Variants in METTL15 observed in about 807,000 individuals in gnomAD.
METTL15 encodes 12S rRNA N(4)-cytidine methyltransferase METTL15.
A neutral mutation model predicts 38.3 loss-of-function variants in METTL15; 34 were observed. The ratio of observed to expected loss-of-function variants is 0.89; its 90% CI spans 0.68 to 1.18. The LOEUF is 1.18. Among genes scored for constraint, METTL15 ranks in the 50% most tolerant of loss-of-function variants. The probability of loss-of-function intolerance (pLI) is 0.00; values close to 1 mark genes in which losing one functional copy is unlikely to be tolerated. For synonymous variants in METTL15, 162 were observed against 170.9 expected, an observed-to-expected ratio of 0.95 and a Z score of 0.41; for missense variants, 438 against 498.4, an observed-to-expected ratio of 0.88 and a Z score of 1.15.
intron 5 of METTL15, among the ~76,000 whole-genome samples, chr11:28,411,739 T>C (rs1850725744): frequency 6.6e-6 from 1 of 151,840 alleles, no homozygotes; most frequent in African/African-American, 2.4e-5. Flanking sequence ...AGTAAATAAA[T>C]AATGGGACTA....
intron 3 of METTL15, among the ~76,000 whole-genome samples, chr11:28,198,377 T>C (rs1851985217): frequency 6.6e-6 from 1 of 152,122 alleles, no homozygotes; most frequent in African/African-American, 2.4e-5. Context: ...TTTAATGTAA[T>C]TGAAGGACAT....
At chr11:28,492,662 G>C (rs991129991) in intron 6 of METTL15, among the ~76,000 whole-genome samples, 10 of 151,982 alleles carry the variant, frequency 6.6e-5, no homozygotes, top group African/African-American at 1.7e-4. Context: ...TGTAATTTTT[G>C]GAAATCAATT....
At chr11:28,316,845 C>T (rs1170821645) in intron 6 of METTL15, among the ~76,000 whole-genome samples, 1 of 152,146 alleles carries the variant, frequency 6.6e-6, no homozygotes, top group Non-Finnish European at 1.5e-5. Flanking sequence ...GCATGTAAGA[C>T]GTGACTTACT....
At chr11:28,222,518 C>A (rs570545344) in intron 4 of METTL15, among the ~76,000 whole-genome samples, 1 of 152,176 alleles carries the variant, frequency 6.6e-6, no homozygotes, top group East Asian at 1.9e-4. Flanking sequence ...GGCGATGCCT[C>A]GCCCTGCTTT....
rs1227850709 is a variant in METTL15, at chr11:28,331,645, C to A, written c.*804C>A. Reference sequence around the variant, plus strand: ...AAGTCTATTTGAAATAGAAAACTGTCTATTTAATATAGTAAAATCAATGCT... The same window carrying A: ...AAGTCTATTTGAAATAGAAAACTGTATATTTAATATAGTAAAATCAATGCT... On this transcript the variant is annotated 3_prime_UTR_variant, in exon 7 of 7. Transcript: ENST00000407364. 1 of 151,416 alleles carries A rather than the reference C, an allele frequency of 6.6e-6. No individual in the cohort carries two copies. The highest frequency in any genetic ancestry group is 1.5e-5 in the Non-Finnish European group (1 of 67,636). The allele number at this position is 151,416 out of a possible 1,614,324, so 9.4% of individuals were successfully genotyped here. A position where few individuals can be genotyped will look rare whatever the true frequency, so the allele number is the denominator to read the frequency against.
rs752587098 is a variant in METTL15 at position 28,245,949 on chromosome 11, A to G, written c.407+34751A>G. Reference sequence around the variant, plus strand: ...CTAGACCACTCCCCTTACACATGGGAATTACAATTTGACATGAGATTTGGG... The same window carrying G: ...CTAGACCACTCCCCTTACACATGGGGATTACAATTTGACATGAGATTTGGG... On this transcript the variant is annotated intron_variant, in intron 4 of 6. Transcript: ENST00000407364. Among the ~76,000 whole-genome samples the G allele has an allele frequency of 2.6e-5, 4 of 152,280 alleles. No homozygotes were observed. The South Asian group carries it at 6.2e-4, about 24-fold the overall frequency.
At chr11:28,114,186 C>A (rs1404416734) in intron 3 of METTL15, among the ~76,000 whole-genome samples, 1 of 152,076 alleles carries the variant, frequency 6.6e-6, no homozygotes, top group Non-Finnish European at 1.5e-5. Context: ...TTTTTTGTCT[C>A]TATGAATTTG....
chr11:28,296,859 G>T lies in METTL15; in HGVS notation c.706G>T (p.Ala236Ser). 3 of 1,613,510 alleles carry T rather than the reference G, an allele frequency of 1.9e-6. No individual in the cohort carries two copies. Among genetic ancestry groups the T allele is most frequent in the Non-Finnish European group, 1.7e-6 (2 of 1,179,684 alleles). Reference sequence around the variant, plus strand: ...GGAGGAGAAGCATGCCAAGAAAATCGCTTCAGCAATTGTTCAGGCACGCAG... The same window carrying T: ...GGAGGAGAAGCATGCCAAGAAAATCTCTTCAGCAATTGTTCAGGCACGCAG... Reference protein sequence around the residue: ...YGEEKHAKKIASAIVQARSIY... With the variant: ...YGEEKHAKKISSAIVQARSIY... Residue 236 changes from alanine to serine, a missense_variant, in exon 6 of 7, where the codon GCT (alanine) becomes TCT (serine). Coordinates refer to ENST00000407364, the MANE Select transcript of METTL15 (RefSeq NM_001113528.2).
chr11:28,375,452 A>G (rs530361361), intron 5 of METTL15, among the ~76,000 whole-genome samples: 7 of 151,838 alleles, frequency 4.6e-5, no homozygotes, highest in South Asian at 2.1e-4. Context: ...GTTTATTTGC[A>G]TAGAGGTGTT....
chr11:28,366,365 T>A (rs1590346346), intron 5 of METTL15, among the ~76,000 whole-genome samples: 2 of 152,150 alleles, frequency 1.3e-5, no homozygotes, highest in South Asian at 4.1e-4. Context: ...AATAAAATAC[T>A]GCCCTGTGTA....
chr11:28,154,208 G>T (rs187212877), intron 3 of METTL15, among the ~76,000 whole-genome samples: 1 of 152,202 alleles, frequency 6.6e-6, no homozygotes, highest in Non-Finnish European at 1.5e-5. Flanking sequence ...CAGACTGCTT[G>T]AGGACAAATC....
At position 28,250,870 on chromosome 11, in the gene METTL15, C is replaced by T. The variant is rs1038573980; in HGVS notation, c.408-39336C>T. 2.4e-4 allele frequency among the ~76,000 whole-genome samples: 37 copies of T among 151,938 alleles called. 1 individual carries two copies. The highest frequency in any genetic ancestry group is 2.3e-3 in the Admixed American group (35 of 15,244). On this transcript the variant is annotated intron_variant, in intron 4 of 6. Coordinates refer to ENST00000407364, the MANE Select transcript of METTL15 (RefSeq NM_001113528.2). Reference sequence around the variant, plus strand: ...TAATAAAATATATCAGGTCAACCACCTTGTCAATTTGAGCCCTTTTTTTCC... The same window carrying T: ...TAATAAAATATATCAGGTCAACCACTTTGTCAATTTGAGCCCTTTTTTTCC...
In METTL15 at chr11:28,221,399, T is replaced by C. The variant is rs533518533; in HGVS notation, c.407+10201T>C. Reference sequence around the variant, plus strand: ...TCGTTACGCAGTTCTCGTGCCATGGTTTTCAGCTCCATCAGGTTCTTTAAG... The same window carrying C: ...TCGTTACGCAGTTCTCGTGCCATGGCTTTCAGCTCCATCAGGTTCTTTAAG... On this transcript the variant is annotated intron_variant, in intron 4 of 6. Transcript: ENST00000407364. Among the ~76,000 whole-genome samples the C allele has an allele frequency of 2.6e-5, 4 of 152,304 alleles. No individual in the cohort carries two copies. In the South Asian group the frequency reaches 8.3e-4, roughly 32 times the overall value.
intron 5 of METTL15, among the ~76,000 whole-genome samples, chr11:28,377,774 C>T (rs1176720702): frequency 1.3e-5 from 2 of 151,130 alleles, no homozygotes; most frequent in Non-Finnish European, 3.0e-5. Context: ...TCTGTTTTTT[C>T]CCCATCTTTG....
intron 5 of METTL15, among the ~76,000 whole-genome samples, chr11:28,393,517 G>C (rs1850534329): frequency 6.6e-6 from 1 of 152,036 alleles, no homozygotes; most frequent in Non-Finnish European, 1.5e-5. Flanking sequence ...GAAGACAGCT[G>C]GCTGGACGAT....
intron 3 of METTL15, among the ~76,000 whole-genome samples, chr11:28,152,388 A>G (rs1420682402): frequency 6.6e-6 from 1 of 152,088 alleles, no homozygotes; most frequent in East Asian, 1.9e-4. Context: ...TTAGGATATA[A>G]ATTTTTTCTT....
At chr11:28,250,535 G>A (rs1360820664) in intron 4 of METTL15, among the ~76,000 whole-genome samples, 1 of 149,896 alleles carries the variant, frequency 6.7e-6, no homozygotes, top group Non-Finnish European at 1.5e-5. Flanking sequence ...GTCTGTTCAT[G>A]TAGATGTTTT....
At chr11:28,162,221 A>G (rs1467599858) in intron 3 of METTL15, among the ~76,000 whole-genome samples, 1 of 152,216 alleles carries the variant, frequency 6.6e-6, no homozygotes, top group East Asian at 1.9e-4. Flanking sequence ...CCTTCTTCCA[A>G]AGGAAGGATT....
intron 3 of METTL15, among the ~76,000 whole-genome samples, chr11:28,169,421 A>G (rs1378024233): frequency 1.3e-5 from 2 of 151,770 alleles, no homozygotes; most frequent in African/African-American, 4.9e-5. Context: ...TTTCTATAAT[A>G]TTTTTAAAAT....
Sources: allele counts gnomAD v4.1 joint callset (sites outside exome capture counted in the v4.1 genomes callset), GRCh38; gene constraint gnomAD v4.1.1; transcripts MANE v1.5; gene names NCBI Gene and HGNC (gene_info 2026-07-23, HGNC 2026-07-21).